Variants in MLPH observed in about 807,000 individuals in gnomAD.
MLPH encodes the protein melanophilin.
In MLPH, 51 loss-of-function variants were observed where a neutral mutation model predicts 72.1. The observed-to-expected ratio is 0.71, with a 90% CI of 0.56 to 0.89. MLPH has a LOEUF of 0.89. Among genes scored for constraint, MLPH ranks in the 40% least tolerant of loss-of-function variants. MLPH has a pLI of 0.00. For synonymous variants in MLPH, 301 were observed against 310.1 expected (o/e 0.97, Z 0.31); for missense variants, 743 against 759.9 (o/e 0.98, Z 0.26).
Position 237,527,508 on chromosome 2 carries a change from G to T in MLPH, c.1012G>T (p.Glu338Ter). ...CAAGCGGAGAGGCCGGGCGTCTTCT[G>T]AGAGTCAGGTAACGGTGGCTGGAAA... ...HSKRRGRASSESQIFELNKHI... is the reference protein window; with the variant it reads ...HSKRRGRASS Residue 338 changes from glutamate to a stop codon, truncating the protein, a stop_gained, in exon 8 of 16, where the codon GAG (glutamate) becomes TAG (stop). Transcript: ENST00000264605. LOFTEE classifies it high-confidence loss of function. 1.2e-6 allele frequency: 2 copies of T among 1,614,178 alleles called. No individual in the cohort carries two copies. The highest frequency in any genetic ancestry group is 1.7e-6 in the Non-Finnish European group (2 of 1,180,046).
intron 5 of MLPH, among the ~76,000 whole-genome samples, chr2:237,519,706 C>T (rs1365911426): frequency 6.6e-6 from 1 of 152,174 alleles, no homozygotes; most frequent in African/African-American, 2.4e-5. Context: ...GGGATGGGCA[C>T]CGTGAGCACC....
chr2:237,527,495 C>G lies in MLPH; in HGVS notation c.999C>G (p.Gly333=). ...VMASHHSKRR[G]RASSESQIFE... ...CCTCCCACCATTCCAAGCGGAGAGG[C>G]CGGGCGTCTTCTGAGAGTCAGGTAA... Residue 333 remains glycine (G), a synonymous_variant, in exon 8 of 16, where the codon GGC becomes GGG. Coordinates refer to ENST00000264605, the MANE Select transcript of MLPH (RefSeq NM_024101.7). 1 of 1,614,190 alleles carries G rather than the reference C, an allele frequency of 6.2e-7. No homozygotes were observed. The highest frequency in any genetic ancestry group is 8.5e-7 in the Non-Finnish European group (1 of 1,180,044).
intron 2 of MLPH, among the ~76,000 whole-genome samples, chr2:237,506,441 C>T (rs977779418): frequency 2.6e-5 from 4 of 152,150 alleles, no homozygotes; most frequent in East Asian, 3.9e-4. Context: ...CTGGGAGCAT[C>T]GGCAGACTCA....
chr2:237,494,668 T>C (rs1421286906), intron 2 of MLPH, among the ~76,000 whole-genome samples: 1 of 151,490 alleles, frequency 6.6e-6, no homozygotes, highest in Non-Finnish European at 1.5e-5. Flanking sequence ...AAGGACAGAG[T>C]TGAGGTCAGC....
At chr2:237,538,853 G>A (rs1029762542) in intron 9 of MLPH, among the ~76,000 whole-genome samples, 1 of 152,226 alleles carries the variant, frequency 6.6e-6, no homozygotes, top group Non-Finnish European at 1.5e-5. Flanking sequence ...CAAGGCAGAA[G>A]GTCCCTGGGG....
intron 2 of MLPH, among the ~76,000 whole-genome samples, chr2:237,507,068 T>C (rs1333418742): frequency 8.3e-4 from 118 of 141,492 alleles, no homozygotes; most frequent in African/African-American, 1.2e-3. Context: ...TTTTCTTTTT[T>C]TTTTTTTTTT....
chr2:237,534,835 C>T (rs113126677), intron 9 of MLPH, among the ~76,000 whole-genome samples, 188 bp downstream of exon 9: 204 of 152,228 alleles, frequency 1.3e-3, no homozygotes, highest in African/African-American at 4.7e-3. Flanking sequence ...GTCTTCTGTC[C>T]CATCCAGGCC....
intron 6 of MLPH, among the ~76,000 whole-genome samples, chr2:237,523,657 C>A (rs1336486504): frequency 2.0e-5 from 3 of 152,042 alleles, no homozygotes; most frequent in Middle Eastern, 3.4e-3. Flanking sequence ...CGTATTTTCT[C>A]GTGTAAAGAA....
intron 15 of MLPH, among the ~76,000 whole-genome samples, chr2:237,552,665 A>G (rs1008286770): frequency 1.3e-5 from 2 of 152,370 alleles, no homozygotes; most frequent in Middle Eastern, 3.4e-3. Context: ...TTAAATTTTC[A>G]AATATCTGCT....
At chr2:237,495,385 T>A (rs2079514180) in intron 2 of MLPH, among the ~76,000 whole-genome samples, 1 of 152,222 alleles carries the variant, frequency 6.6e-6, no homozygotes, top group South Asian at 2.1e-4. Context: ...GGCAGCATTG[T>A]TCAGCTGACC....
chr2:237,524,582 C>T (rs10208231), intron 6 of MLPH, among the ~76,000 whole-genome samples: 25,414 of 152,060 alleles, frequency 0.17, 2,368 homozygotes, highest in African/African-American at 0.23. Flanking sequence ...CTGGGTGTGC[C>T]TTCCCCAGCC....
intron 14 of MLPH, chr2:237,552,038 C>T: frequency 2.7e-6 from 1 of 370,536 alleles, no homozygotes; most frequent in South Asian, 2.9e-5. Context: ...GAAGACCACA[C>T]ACCAGTGCAG....
Position 237,554,928 on chromosome 2 carries a change from G to T in MLPH, c.*1336G>T, listed in dbSNP as rs1017584186. 3.5e-4 allele frequency: 54 copies of T among 152,160 alleles called. No individual in the cohort carries two copies. The highest frequency in any genetic ancestry group is 1.2e-3 in the African/African-American group (50 of 41,426). The allele number at this position is 152,160 out of a possible 1,614,324, so 9.4% of individuals were successfully genotyped here. On this transcript the variant is annotated 3_prime_UTR_variant, in exon 16 of 16. Transcript: ENST00000264605. ...TGTGGCATCAGATAAAAACGTGGGAGTTTTTCCATATAATTCCCAGCCTTA... is the reference window on the plus strand; with the variant it reads ...TGTGGCATCAGATAAAAACGTGGGATTTTTTCCATATAATTCCCAGCCTTA...
chr2:237,518,697 G>A (rs762439657), intron 5 of MLPH, 49 bp downstream of exon 5: 73 of 1,441,322 alleles, frequency 5.1e-5, no homozygotes, highest in South Asian at 1.1e-4. Flanking sequence ...ATTCCATCCC[G>A]CAGCTGGGAC....
In MLPH at chr2:237,546,646, C is replaced by G. The variant is rs750119450; in HGVS notation, c.1580C>G (p.Pro527Arg). Residue 527 changes from proline to arginine, a missense_variant, in exon 13 of 16, where the codon CCA becomes CGA. By Grantham distance (103) the Pro-to-Arg change is moderately radical. Coordinates refer to ENST00000264605, the MANE Select transcript of MLPH (RefSeq NM_024101.7). ...GTGGCTGGGAAACTTGGCAAGAGACCAGAGGACCCAAATGCAGACCCTTCA... is the reference window on the plus strand; with the variant it reads ...GTGGCTGGGAAACTTGGCAAGAGACGAGAGGACCCAAATGCAGACCCTTCA... ...PRVAGKLGKR[P>R]EDPNADPSSE... 1 of 1,614,192 alleles carries G rather than the reference C, an allele frequency of 6.2e-7. No homozygotes were observed. Among genetic ancestry groups the G allele is most frequent in the Non-Finnish European group, 8.5e-7 (1 of 1,180,028 alleles).
intron 2 of MLPH, among the ~76,000 whole-genome samples, chr2:237,503,250 C>T (rs2079689827): frequency 6.6e-6 from 1 of 152,184 alleles, no homozygotes; most frequent in Non-Finnish European, 1.5e-5. Context: ...GGGGCTAAAA[C>T]AGGGACTCCG....
chr2:237,516,830 AGGATGGAT>A (rs201705751), intron 4 of MLPH, among the ~76,000 whole-genome samples: 7 of 115,180 alleles, frequency 6.1e-5, no homozygotes, highest in South Asian at 2.8e-4. Flanking sequence ...GATGGATGGT[AGGATGGAT>A]GGATGGATGG....
At chr2:237,522,954 G>A (rs1394451042) in intron 6 of MLPH, among the ~76,000 whole-genome samples, 2 of 152,204 alleles carry the variant, frequency 1.3e-5, no homozygotes, top group African/African-American at 4.8e-5. Flanking sequence ...AGAAAGACAT[G>A]AGTCCTACAC....
In MLPH at chr2:237,512,183, C is replaced by A. The variant is rs2079919070; in HGVS notation, c.445+1082C>A. Among the ~76,000 whole-genome samples, 2 of 152,232 alleles carry A rather than the reference C, an allele frequency of 1.3e-5. No individual in the cohort carries two copies. Among genetic ancestry groups the A allele is most frequent in the African/African-American group, 4.8e-5 (2 of 41,452 alleles). ...CGTCCTCACCATGCCCCAGCCCAGG[C>A]GTCTCCCCCAGGCCTTCCTTCTGGA... On this transcript the variant is annotated intron_variant, in intron 4 of 15. Transcript: ENST00000264605. This position sits in a 1 kb window ranked among gnomAD's most constrained non-coding sequence, Gnocchi z 5.5.
Sources: allele counts gnomAD v4.1 joint callset (sites outside exome capture counted in the v4.1 genomes callset), GRCh38; gene constraint gnomAD v4.1.1; non-coding constraint Gnocchi (gnomAD v3.1); transcripts MANE v1.5; gene names NCBI Gene and HGNC (gene_info 2026-07-23, HGNC 2026-07-21).